PKHD1: variants seen among roughly 807,000 people sequenced by gnomAD.
PKHD1 encodes the protein fibrocystin.
In PKHD1, 291 loss-of-function variants were observed where a neutral mutation model predicts 412.0. The ratio of observed to expected loss-of-function variants is 0.71; its 90% CI spans 0.64 to 0.78. The LOEUF is 0.78. Ranked by LOEUF, PKHD1 falls within the 30% of genes least tolerant of loss-of-function variation. The probability of loss-of-function intolerance (pLI) is 0.00; values close to 1 mark genes in which losing one functional copy is unlikely to be tolerated. For missense variants in PKHD1, 4,825 were observed against 4,950.7 expected (o/e 0.97, Z 0.76); for synonymous variants, 1,777 against 1,821.5 (o/e 0.98, Z 0.62).
chr6:52,079,899 C>A lies in PKHD1; in HGVS notation c.390+1G>T, dbSNP rs752327566. On this transcript the variant is annotated splice_donor_variant, in intron 5 of 66. Coordinates refer to ENST00000371117, the MANE Select transcript of PKHD1 (RefSeq NM_138694.4). LOFTEE classifies it high-confidence loss of function. ...TACCTTCCTCCAGCCTTAGAACCCA[C>A]CTTGAAAGTACAGCTATCTCGTGGT... The A allele has an allele frequency of 5.1e-5, 78 of 1,543,790 alleles. No individual in the cohort carries two copies. The highest frequency in any genetic ancestry group is 6.6e-5 in the Non-Finnish European group (74 of 1,116,110).
At position 51,967,656 on chromosome 6, in the gene PKHD1, G is replaced by A. The variant is rs913862503; in HGVS notation, c.5752-7630C>T. Among the ~76,000 whole-genome samples the A allele has an allele frequency of 5.3e-5, 5 of 95,118 alleles. No homozygotes were observed. The East Asian group carries it at 1.5e-3, about 29-fold the overall frequency. The allele number at this position is 95,118 out of a possible 152,430, so 62.4% of individuals were successfully genotyped here. A position where few individuals can be genotyped will look rare whatever the true frequency, so the allele number is the denominator to read the frequency against. On this transcript the variant is annotated intron_variant, in intron 35 of 66. Transcript: ENST00000371117. ...TGGGAAGTTGTGTGTGTGTGTGTAT[G>A]TGTGTGTGTGTGTGTGTGTGTATGC...
chr6:51,729,314 T>A (rs189962323), intron 60 of PKHD1, among the ~76,000 whole-genome samples: 197 of 152,352 alleles, frequency 1.3e-3, no homozygotes, highest in Non-Finnish European at 2.2e-3. Flanking sequence ...TTCTTTGGTG[T>A]TCTTTTCCTT....
intron 52 of PKHD1, among the ~76,000 whole-genome samples, chr6:51,804,242 T>C (rs17668763): frequency 0.61 from 91,002 of 149,866 alleles, 28,540 homozygotes; most frequent in East Asian, 0.83. Context: ...CCACCAACAG[T>C]CCACACAGAT....
At chr6:51,736,483 A>T (rs1783865690) in intron 60 of PKHD1, among the ~76,000 whole-genome samples, 1 of 152,210 alleles carries the variant, frequency 6.6e-6, no homozygotes. Flanking sequence ...AATCCCTTGC[A>T]GCTGCGAATC....
intron 36 of PKHD1, among the ~76,000 whole-genome samples, chr6:51,959,364 C>T (rs1791641160): frequency 1.3e-5 from 2 of 152,230 alleles, no homozygotes; most frequent in African/African-American, 2.4e-5. Flanking sequence ...AATTCGAAAT[C>T]TCAGCCTCTT....
intron 49 of PKHD1, among the ~76,000 whole-genome samples, chr6:51,853,944 CA>C (rs1246925828): frequency 6.6e-6 from 1 of 152,194 alleles, no homozygotes. Flanking sequence ...ATCCTCCATC[CA>C]GTTCTGTGCC....
chr6:51,765,236 G>A (rs186064497), intron 55 of PKHD1, among the ~76,000 whole-genome samples: 226 of 151,986 alleles, frequency 1.5e-3, no homozygotes, highest in Admixed American at 3.5e-3. Context: ...CTCTTCCAGA[G>A]TCCCAGATAC....
chr6:52,010,612 C>T (rs1488259553), intron 34 of PKHD1, among the ~76,000 whole-genome samples, 153 bp from the exon 35 acceptor site: 1 of 152,112 alleles, frequency 6.6e-6, no homozygotes, highest in Non-Finnish European at 1.5e-5. Flanking sequence ...TGTTTCCATT[C>T]TTTTATTGTT....
At position 52,012,997 on chromosome 6, in the gene PKHD1, A is replaced by G. The variant is rs116644357; in HGVS notation, c.5601-2538T>C. Among the ~76,000 whole-genome samples the G allele has an allele frequency of 5.6e-3, 853 of 152,238 alleles. 7 individuals carry two copies. Among genetic ancestry groups the G allele is most frequent in the African/African-American group, 0.02 (823 of 41,534 alleles). On this transcript the variant is annotated intron_variant, in intron 34 of 66. Transcript: ENST00000371117. Reference sequence around the variant, plus strand: ...CTCCTCTTTTTTTTAGGTTCATAGAATATCTGCCCATCACCTCTGTTATGT... The same window carrying G: ...CTCCTCTTTTTTTTAGGTTCATAGAGTATCTGCCCATCACCTCTGTTATGT...
At chr6:52,053,746 T>A (rs1268974787) in intron 20 of PKHD1, among the ~76,000 whole-genome samples, 1 of 152,192 alleles carries the variant, frequency 6.6e-6, no homozygotes, top group Non-Finnish European at 1.5e-5. Flanking sequence ...GGCCCCAAAT[T>A]TCCTCTTTCT....
In PKHD1 at chr6:51,764,669, G is replaced by A. The variant is rs1232573119; in HGVS notation, c.8642+8033C>T. Reference sequence around the variant, plus strand: ...GCAAAGACTTGGAACCAACCCAAATGTCCAACAATGATAGACTGGATTAAA... The same window carrying A: ...GCAAAGACTTGGAACCAACCCAAATATCCAACAATGATAGACTGGATTAAA... On this transcript the variant is annotated intron_variant, in intron 55 of 66. Transcript: ENST00000371117. Among the ~76,000 whole-genome samples the A allele has an allele frequency of 5.3e-5, 8 of 152,132 alleles. No homozygotes were observed. The South Asian group carries it at 1.5e-3, about 28-fold the overall frequency.
At chr6:52,032,584 A>G (rs1803223015) in intron 29 of PKHD1, among the ~76,000 whole-genome samples, 1 of 152,232 alleles carries the variant, frequency 6.6e-6, no homozygotes, top group Middle Eastern at 3.2e-3. Context: ...GTAGATAAGT[A>G]CTTGGTATAT....
chr6:52,073,586 C>T (rs1438327217), intron 6 of PKHD1, 45 bp from the exon 7 acceptor site: 1 of 1,084,398 alleles, frequency 9.2e-7, no homozygotes, highest in Non-Finnish European at 1.4e-6. Flanking sequence ...TTAGCTCAAA[C>T]TCAATGTATA....
rs779069598 is a variant in PKHD1, at chr6:51,619,495, G to A, written c.11811C>T (p.Gly3937=). 1 of 1,614,048 alleles carries A rather than the reference G, an allele frequency of 6.2e-7. No individual in the cohort carries two copies. The highest frequency in any genetic ancestry group is 8.5e-7 in the Non-Finnish European group (1 of 1,179,932). The change falls in exon 67 of 67, where the codon GGC becomes GGT. Residue 3937 remains glycine, a synonymous_variant. Coordinates refer to ENST00000371117, the MANE Select transcript of PKHD1 (RefSeq NM_138694.4). ...GEDMRMKVML[G]KVNQCPHQLM... ...ACTGGTGGGGGCACTGGTTCACCTT[G>A]CCCAGCATGACCTTCATTCTCATAT...
intron 36 of PKHD1, among the ~76,000 whole-genome samples, chr6:51,937,349 A>G (rs1193673132): frequency 1.3e-5 from 2 of 152,236 alleles, no homozygotes; most frequent in Non-Finnish European, 2.9e-5. Context: ...CATCTTGGGC[A>G]CATGTACTTA....
intron 60 of PKHD1, among the ~76,000 whole-genome samples, chr6:51,672,234 G>A (rs1029209295): frequency 1.3e-5 from 2 of 151,998 alleles, no homozygotes; most frequent in Non-Finnish European, 2.9e-5. Context: ...GAAGTGATTA[G>A]GAACCATACA....
At chr6:51,885,139 G>T (rs1778010874) in intron 45 of PKHD1, among the ~76,000 whole-genome samples, 1 of 152,124 alleles carries the variant, frequency 6.6e-6, no homozygotes, top group Admixed American at 6.6e-5. Context: ...CAGAGACAAA[G>T]TGTATGTAAT....
intron 8 of PKHD1, 24 bp downstream of exon 8, chr6:52,072,091 T>C (rs764311211): frequency 4.9e-6 from 7 of 1,417,116 alleles, no homozygotes; most frequent in South Asian, 1.1e-5. Flanking sequence ...AGCATGTGCA[T>C]TGGCAAGATA....
chr6:52,056,958 C>T lies in PKHD1; in HGVS notation c.1534G>A (p.Gly512Arg), dbSNP rs1323329449. ...EVQVLNVSGR[G>R]NFFLTWDNVS... ...TTGTCCCAAGTAAGGAAGAAGTTTC[C>T]TCTGCCTGATACATTCAGCACCTAA... The change falls in exon 17 of 67, where the codon GGA becomes AGA. Residue 512 changes from glycine (G) to arginine (R), a missense_variant. Gly to Arg is a moderately radical substitution (Grantham distance 125). Coordinates refer to ENST00000371117, the MANE Select transcript of PKHD1 (RefSeq NM_138694.4). 6.2e-7 allele frequency: 1 copy of T among 1,613,560 alleles called. No homozygotes were observed.
Sources: gnomAD v4.1 joint callset for allele counts (sites outside exome capture counted in the v4.1 genomes callset) on GRCh38, gnomAD v4.1.1 for gene constraint, MANE v1.5 for transcripts, NCBI Gene and HGNC (gene_info 2026-07-23, HGNC 2026-07-21) for gene names.